The following TMEM135 variants were observed in gnomAD, a reference collection of about 807,000 sequenced individuals.
TMEM135 encodes peroxisomal membrane protein 52.
A neutral mutation model predicts 60.3 loss-of-function variants in TMEM135; 30 were observed. The observed-to-expected ratio is 0.50, with a 90% CI of 0.37 to 0.68. The LOEUF is 0.68. TMEM135 is among the 30% of genes least tolerant of loss of function. The probability of loss-of-function intolerance (pLI) is 0.00; values close to 1 mark genes in which losing one functional copy is unlikely to be tolerated. For synonymous variants in TMEM135, 190 were observed against 186.7 expected (o/e 1.02, Z -0.14); for missense variants, 468 against 548.8 (o/e 0.85, Z 1.47).
At chr11:87,179,323 C>A (rs932836099) in intron 5 of TMEM135, among the ~76,000 whole-genome samples, 5 of 151,978 alleles carry the variant, frequency 3.3e-5, no homozygotes, top group African/African-American at 1.2e-4. Flanking sequence ...CAGATCGTGG[C>A]CTGTGTTTTC....
Position 87,267,399 on chromosome 11 carries a change from A to G in TMEM135, c.510-28383A>G, listed in dbSNP as rs527906442. Reference sequence around the variant, plus strand: ...TTACACAAGATAAGCATTCTAGCCAACCTTCTCTAAAGAATGGAAAACTTG... The same window carrying G: ...TTACACAAGATAAGCATTCTAGCCAGCCTTCTCTAAAGAATGGAAAACTTG... On this transcript the variant is annotated intron_variant, in intron 6 of 14. Coordinates refer to ENST00000305494, the MANE Select transcript of TMEM135 (RefSeq NM_022918.4). Among the ~76,000 whole-genome samples, 880 of 152,252 alleles carry G rather than the reference A, an allele frequency of 5.8e-3. 12 individuals carry two copies. Among genetic ancestry groups the G allele is most frequent in the Non-Finnish European group, 5.4e-3 (366 of 68,018 alleles).
At chr11:87,094,300 C>A (rs963786754) in intron 4 of TMEM135, among the ~76,000 whole-genome samples, 5 of 152,186 alleles carry the variant, frequency 3.3e-5, no homozygotes, top group Non-Finnish European at 7.3e-5. Flanking sequence ...TAATACTTTT[C>A]TGAAGCCGTC....
intron 4 of TMEM135, among the ~76,000 whole-genome samples, chr11:87,106,304 A>G (rs1857595560): frequency 6.6e-6 from 1 of 152,130 alleles, no homozygotes; most frequent in South Asian, 2.1e-4. Context: ...GGGTTTCACC[A>G]TGTTGGCCAG....
At chr11:87,240,099 G>T (rs943762631) in intron 6 of TMEM135, among the ~76,000 whole-genome samples, 3 of 152,028 alleles carry the variant, frequency 2.0e-5, no homozygotes, top group African/African-American at 7.2e-5. Context: ...CGAGGAGAGG[G>T]CTCTACTTCT....
intron 4 of TMEM135, among the ~76,000 whole-genome samples, chr11:87,117,975 C>A (rs911484447): frequency 6.6e-6 from 1 of 152,150 alleles, no homozygotes; most frequent in African/African-American, 2.4e-5. Flanking sequence ...CCATGGGCTG[C>A]AGAATGGATA....
Position 87,327,331 on chromosome 11 carries a change from A to C in TMEM135, c.*5998A>C. The C allele has an allele frequency of 2.2e-6, 1 of 454,074 alleles. No homozygotes were observed. The highest frequency in any genetic ancestry group is 4.4e-6 in the Non-Finnish European group (1 of 226,796). 28.1% of individuals were successfully genotyped at this position (454,074 alleles called of 1,614,324 possible). ...GCAGCAATCTTGCAGACATGAAATG[A>C]AAAGTACAAACATGAAAAACCAGCA... On this transcript the variant is annotated 3_prime_UTR_variant, in exon 15 of 15. Transcript: ENST00000305494.
At chr11:87,080,817 G>T (rs1262899870) in intron 3 of TMEM135, among the ~76,000 whole-genome samples, 1 of 152,098 alleles carries the variant, frequency 6.6e-6, no homozygotes, top group African/African-American at 2.4e-5. Flanking sequence ...CTCCTGAGTA[G>T]CTGGGATTAC....
intron 1 of TMEM135, among the ~76,000 whole-genome samples, chr11:87,039,350 G>T (rs996746863): frequency 3.3e-5 from 5 of 152,176 alleles, no homozygotes; most frequent in Non-Finnish European, 7.3e-5. Context: ...TAAAATGGGG[G>T]TTCTAATTCA....
At position 87,249,417 on chromosome 11, in the gene TMEM135, C is replaced by G. The variant is rs994522455; in HGVS notation, c.509+12733C>G. 3.0e-4 allele frequency among the ~76,000 whole-genome samples: 46 copies of G among 151,822 alleles called. 1 individual carries two copies. The highest frequency in any genetic ancestry group is 1.0e-3 in the African/African-American group (43 of 41,344). On this transcript the variant is annotated intron_variant, in intron 6 of 14. Transcript: ENST00000305494. ...GATTGATTTATCTTTTCAAAAAAAC[C>G]AACTTTTTGTCTTGTTGATCTTTTG... is the stretch of plus-strand genomic sequence containing the variant.
chr11:87,116,876 G>A (rs1164922633), intron 4 of TMEM135, among the ~76,000 whole-genome samples: 1 of 151,732 alleles, frequency 6.6e-6, no homozygotes, highest in East Asian at 1.9e-4. Flanking sequence ...AGGATAGAGT[G>A]CAGTGGCGTG....
At chr11:87,247,688 C>T (rs1269303744) in intron 6 of TMEM135, among the ~76,000 whole-genome samples, 4 of 152,148 alleles carry the variant, frequency 2.6e-5, no homozygotes, top group African/African-American at 4.8e-5. Context: ...CCTGGTGCGC[C>T]GTTTTTTAAG....
intron 3 of TMEM135, among the ~76,000 whole-genome samples, chr11:87,081,879 T>A (rs17149716): frequency 0.09 from 13,699 of 152,216 alleles, 679 homozygotes; most frequent in Non-Finnish European, 0.1. Flanking sequence ...TTAACTTCTT[T>A]ATAACTGTTA....
Position 87,325,829 on chromosome 11 carries a change from T to G in TMEM135, c.*4496T>G, listed in dbSNP as rs1024060175. On this transcript the variant is annotated 3_prime_UTR_variant, in exon 15 of 15. Coordinates refer to ENST00000305494, the MANE Select transcript of TMEM135 (RefSeq NM_022918.4). ...CAGAACAATTAATTTCTTCTCTTCTTAAAACCCCGTAACATCACTTGACTC... is the reference window on the plus strand; with the variant it reads ...CAGAACAATTAATTTCTTCTCTTCTGAAAACCCCGTAACATCACTTGACTC... 13 of 453,926 alleles carry G rather than the reference T, an allele frequency of 2.9e-5. No homozygotes were observed. Among genetic ancestry groups the G allele is most frequent in the Non-Finnish European group, 5.7e-5 (13 of 226,788 alleles). The allele number at this position is 453,926 out of a possible 1,614,324, so 28.1% of individuals were successfully genotyped here. A position where few individuals can be genotyped will look rare whatever the true frequency, so the allele number is the denominator to read the frequency against.
At chr11:87,115,715 T>C (rs942684043) in intron 4 of TMEM135, among the ~76,000 whole-genome samples, 2 of 152,130 alleles carry the variant, frequency 1.3e-5, no homozygotes, top group Non-Finnish European at 2.9e-5. Context: ...AATTTACTTA[T>C]AACATCAACA....
intron 5 of TMEM135, among the ~76,000 whole-genome samples, chr11:87,177,974 C>T (rs1165339758): frequency 6.6e-6 from 1 of 152,152 alleles, no homozygotes; most frequent in Non-Finnish European, 1.5e-5. Flanking sequence ...GGACCTGGAC[C>T]TAAAGCTTCC....
chr11:87,299,246 T>A (rs1302634015), intron 7 of TMEM135, among the ~76,000 whole-genome samples: 2 of 152,214 alleles, frequency 1.3e-5, no homozygotes, highest in Non-Finnish European at 2.9e-5. Flanking sequence ...GACTCACAGT[T>A]CCTTATGGCT....
chr11:87,160,206 A>C (rs960591367), intron 5 of TMEM135, among the ~76,000 whole-genome samples: 51 of 152,196 alleles, frequency 3.4e-4, no homozygotes, highest in Admixed American at 1.4e-3. Context: ...TTCTGGCTTT[A>C]ATGCTGTATT....
intron 5 of TMEM135, among the ~76,000 whole-genome samples, chr11:87,236,374 C>G (rs1038208246): frequency 2.2e-4 from 34 of 151,586 alleles, no homozygotes; most frequent in African/African-American, 8.2e-4. Context: ...AAAAAAATTG[C>G]AAAAAAATCA....
At chr11:87,222,043 G>T (rs1196457456) in intron 5 of TMEM135, among the ~76,000 whole-genome samples, 1 of 151,708 alleles carries the variant, frequency 6.6e-6, no homozygotes, top group Admixed American at 6.6e-5. Context: ...AATTAGCCAG[G>T]CGGTGGTGGG....
Sources: allele counts gnomAD v4.1 joint callset (sites outside exome capture counted in the v4.1 genomes callset), GRCh38; gene constraint gnomAD v4.1.1; transcripts MANE v1.5; gene names NCBI Gene and HGNC (gene_info 2026-07-23, HGNC 2026-07-21).